Variants in NLGN4X observed in about 807,000 individuals in gnomAD.
The protein encoded by NLGN4X is neuroligin 4 X-linked, also known as neuroligin-4, X-linked.
Under a neutral mutation model 40.3 loss-of-function variants are expected in NLGN4X, and 3 were observed. The ratio of observed to expected loss-of-function variants is 0.07; its 90% CI spans 0.03 to 0.19. The LOEUF (loss-of-function observed/expected upper bound fraction) is 0.19. NLGN4X is among the 10% of genes least tolerant of loss of function. The pLI is 1.00. For synonymous variants in NLGN4X, 270 were observed against 306.8 expected, an observed-to-expected ratio of 0.88 and a Z score of 1.25; for missense variants, 382 against 708.3, an observed-to-expected ratio of 0.54 and a Z score of 5.23.
chrX:6,190,671 A>T (rs903073182), intron 1 of NLGN4X, among the ~76,000 whole-genome samples: 6 of 111,906 alleles, frequency 5.4e-5, no homozygotes, highest in Non-Finnish European at 9.4e-5. Context: ...TAATGTCCAG[A>T]CAGTGAGAAG....
intron 2 of NLGN4X, among the ~76,000 whole-genome samples, chrX:6,085,870 T>C (rs756013905): frequency 8.9e-6 from 1 of 112,281 alleles, no homozygotes; most frequent in African/African-American, 3.2e-5. Flanking sequence ...AAGCCATCTA[T>C]ACTGATTCTG....
chrX:6,049,229 G>GGGGAAGGGAGGGGAT (rs1429122569), intron 2 of NLGN4X, among the ~76,000 whole-genome samples: 1 of 1,986 alleles, frequency 5.0e-4, no homozygotes, highest in African/African-American at 1.1e-3. Flanking sequence ...GGCCAGGAAA[G>GGGGAAGGGAGGGGAT]GGGAGGGGAG....
chrX:6,160,532 T>A (rs2040362398), intron 1 of NLGN4X, among the ~76,000 whole-genome samples: 1 of 91,283 alleles, frequency 1.1e-5, no homozygotes. Flanking sequence ...ATCTATAAAA[T>A]AATTTTTTTT....
At position 5,954,622 on chromosome X, in the gene NLGN4X, C is replaced by CTCTCTG. The variant is rs1490139336; in HGVS notation, c.626-45389_626-45384dup. Among the ~76,000 whole-genome samples the CTCTCTG allele has an allele frequency of 5.3e-5, 5 of 94,619 alleles. No individual in the cohort carries two copies. In the East Asian group the frequency reaches 1.1e-3, roughly 21 times the overall value. 82.2% of individuals were successfully genotyped at this position (94,619 alleles called of 115,157 possible). Reference sequence around the variant, plus strand: ...TCTGTCTCTGTCTCTGTCTCTGTCTCTCTCTGTCTCTGTCTCTCTCTCTCT... The same window carrying CTCTCTG: ...TCTGTCTCTGTCTCTGTCTCTGTCTCTCTCTGTCTCTGTCTCTGTCTCTCTCTCTCT... On this transcript the variant is annotated intron_variant, in intron 3 of 5. Transcript: ENST00000381095.
At chrX:5,938,850 AATT>A (rs889163253) in intron 3 of NLGN4X, among the ~76,000 whole-genome samples, 76 of 111,771 alleles carry the variant, frequency 6.8e-4, no homozygotes, top group African/African-American at 2.2e-3. Flanking sequence ...AGTAATTAAT[AATT>A]ATTATAATAA....
chrX:6,193,380 G>A (rs1161451455), intron 1 of NLGN4X, among the ~76,000 whole-genome samples: 1 of 81,922 alleles, frequency 1.2e-5, no homozygotes, highest in Non-Finnish European at 2.2e-5. Flanking sequence ...CAGCACTCCC[G>A]CCTGGGCGAC....
chrX:5,970,168 G>A (rs1265633721), intron 3 of NLGN4X, among the ~76,000 whole-genome samples: 1 of 101,593 alleles, frequency 9.8e-6, no homozygotes, highest in Non-Finnish European at 2.0e-5. Context: ...AAACATAAAA[G>A]TATAATAAAA....
Position 5,890,299 on chromosome X carries a change from T to C in NLGN4X, c.*2518A>G, listed in dbSNP as rs2031091262. ...TTTTATAGATAGCAAGTATATTTTT[T>C]CTCATAGAACTCTATGAAGATTCTA... On this transcript the variant is annotated 3_prime_UTR_variant, in exon 6 of 6. Transcript: ENST00000381095. The C allele has an allele frequency of 1.2e-5, 2 of 167,231 alleles. No homozygotes were observed. The highest frequency in any genetic ancestry group is 2.2e-5 in the Non-Finnish European group (2 of 90,885). The allele number at this position is 167,231 out of a possible 1,213,427, so 13.8% of individuals were successfully genotyped here.
At chrX:6,088,382 T>C (rs758750144) in intron 2 of NLGN4X, among the ~76,000 whole-genome samples, 76 of 112,002 alleles carry the variant, frequency 6.8e-4, no homozygotes, top group African/African-American at 2.2e-3. Flanking sequence ...TGCGCAGTTT[T>C]CTATCCTGGG....
chrX:5,997,601 CAT>C (rs369925416), intron 3 of NLGN4X, among the ~76,000 whole-genome samples: 16 of 90,811 alleles, frequency 1.8e-4, no homozygotes, highest in African/African-American at 6.4e-4. Flanking sequence ...TATATATACA[CAT>C]ATATATATAC....
intron 3 of NLGN4X, among the ~76,000 whole-genome samples, chrX:5,925,915 TATATATATATATATATAA>T (rs2033291647): frequency 2.4e-5 from 1 of 41,628 alleles, no homozygotes; most frequent in East Asian, 8.2e-4. Flanking sequence ...TATATATATA[TATATATATATATATATAA>T]ACCTGCGAAG....
chrX:5,997,566 A>G (rs199977055), intron 3 of NLGN4X, among the ~76,000 whole-genome samples: 16,908 of 53,926 alleles, frequency 0.31, 1,128 homozygotes, highest in East Asian at 0.5. Flanking sequence ...ATAAAATTAC[A>G]TGTGTGTGTG....
chrX:6,110,385 TG>T (rs1298361558), intron 2 of NLGN4X, among the ~76,000 whole-genome samples: 1 of 111,095 alleles, frequency 9.0e-6, no homozygotes, highest in Non-Finnish European at 1.9e-5. Context: ...GAAAGAAATT[TG>T]GCGACCCTCC....
intron 3 of NLGN4X, among the ~76,000 whole-genome samples, chrX:5,984,826 CAG>C (rs1291734950): frequency 8.9e-6 from 1 of 111,895 alleles, no homozygotes; most frequent in Non-Finnish European, 1.9e-5. Context: ...GCCATGCAAA[CAG>C]AGTTTCCAAC....
intron 1 of NLGN4X, among the ~76,000 whole-genome samples, chrX:6,154,363 T>C (rs1306970852): frequency 8.9e-6 from 1 of 112,027 alleles, no homozygotes; most frequent in East Asian, 2.8e-4. Flanking sequence ...AATATAGTCA[T>C]ATTCAAAAAA....
chrX:5,920,639 T>C (rs893393216), intron 3 of NLGN4X, among the ~76,000 whole-genome samples: 1 of 111,730 alleles, frequency 9.0e-6, no homozygotes, highest in African/African-American at 3.3e-5. Flanking sequence ...GGGTTCATGA[T>C]AGGTTTGGAT....
At chrX:6,184,038 C>T (rs1921765128) in intron 1 of NLGN4X, among the ~76,000 whole-genome samples, 1 of 111,938 alleles carries the variant, frequency 8.9e-6, no homozygotes, top group South Asian at 3.7e-4. Context: ...AAAAATACAA[C>T]CTATGATATC....
intron 3 of NLGN4X, among the ~76,000 whole-genome samples, chrX:6,022,101 C>G (rs1030816925): frequency 8.9e-6 from 1 of 112,149 alleles, no homozygotes; most frequent in Non-Finnish European, 1.9e-5. Context: ...TTTCCTTTCT[C>G]CTCATTTAAC....
At position 5,903,702 on chromosome X, in the gene NLGN4X, G is replaced by T; in HGVS notation, c.976C>A (p.Leu326Ile). ...GCCGGGGTGATGGTCTGCTGGATGA[G>T]CTCCTTGTAGTTCTTGTTCCGCAGG... ...ECLRNKNYKELIQQTITPATY... is the reference protein window; with the variant it reads ...ECLRNKNYKEIIQQTITPATY... Residue 326 changes from leucine (L) to isoleucine (I), a missense_variant, in exon 5 of 6, where the codon CTC becomes ATC. Coordinates refer to ENST00000381095, the MANE Select transcript of NLGN4X (RefSeq NM_181332.3). 2 of 1,211,887 alleles carry T rather than the reference G, an allele frequency of 1.7e-6. No individual in the cohort carries two copies. Among genetic ancestry groups the T allele is most frequent in the African/African-American group, 3.5e-5 (2 of 57,790 alleles).
Sources: allele counts gnomAD v4.1 joint callset (sites outside exome capture counted in the v4.1 genomes callset), GRCh38; gene constraint gnomAD v4.1.1; transcripts MANE v1.5; gene names NCBI Gene and HGNC (gene_info 2026-07-23, HGNC 2026-07-21).